The following CFAP92 variants were observed in gnomAD, a reference collection of about 807,000 sequenced individuals.
CFAP92 encodes the protein uncharacterized protein CFAP92.
CFAP92 carries 86 observed loss-of-function variants against 106.3 expected under a neutral mutation model. The ratio of observed to expected loss-of-function variants is 0.81; its 90% CI spans 0.68 to 0.97. The LOEUF (loss-of-function observed/expected upper bound fraction) is 0.97, where lower values mean the gene tolerates loss of function less well. Among genes scored for constraint, CFAP92 ranks in the 50% least tolerant of loss-of-function variants. The pLI, the probability that CFAP92 is intolerant of heterozygous loss-of-function variation, is 0.00. For missense variants in CFAP92, 1,204 were observed against 1,283.8 expected, an observed-to-expected ratio of 0.94 and a Z score of 0.95; for synonymous variants, 477 against 506.4, an observed-to-expected ratio of 0.94 and a Z score of 0.78.
At chr3:128,987,946 GC>G (rs1559935150) in intron 3 of CFAP92, 117 bp from the exon 4 acceptor site, 2 of 769,776 alleles carry the variant, frequency 2.6e-6, no homozygotes, top group Non-Finnish European at 4.1e-6. Context: ...TGACTTCAGT[GC>G]CTGGTCACTC....
the CFAP92 span, among the ~76,000 whole-genome samples, chr3:129,008,605 C>T: frequency 6.6e-6 from 1 of 151,904 alleles, no homozygotes; most frequent in Non-Finnish European, 1.5e-5. Flanking sequence ...AATCCCCGTG[C>T]CACAATCCTT....
chr3:129,012,976 A>G, the CFAP92 span, among the ~76,000 whole-genome samples: 1 of 152,160 alleles, frequency 6.6e-6, no homozygotes, highest in East Asian at 1.9e-4. Flanking sequence ...CAAAGAGAGA[A>G]TCTCTTCTCA....
At chr3:129,004,368 A>AC (rs1428229958), upstream of CFAP92, among the ~76,000 whole-genome samples, 112 of 44,596 alleles carry the variant, frequency 2.5e-3, no homozygotes, top group Middle Eastern at 0.012. Flanking sequence ...CCATTCACTC[A>AC]CCCCCCCCAC....
intron 7 of CFAP92, among the ~76,000 whole-genome samples, chr3:128,972,247 C>CTTT (rs58453936): frequency 2.1e-5 from 3 of 145,486 alleles, no homozygotes; most frequent in African/African-American, 5.0e-5. Flanking sequence ...GGATTTCTTT[C>CTTT]TTTTTTTTTT....
rs150556396 is a variant in CFAP92, at chr3:128,946,042, G to A, written c.1354-67C>T. ...GACAGTCACTCAGCCCCAGCATGAG[G>A]AGCTCAAATCCCAGTGCCAGGCTCA... On this transcript the variant is annotated intron_variant, in intron 9 of 15. Coordinates refer to ENST00000645291, the MANE Select transcript of CFAP92 (RefSeq NM_001394090.1). The A allele has an allele frequency of 6.6e-4, 794 of 1,210,958 alleles. 10 individuals carry two copies. In the African/African-American group the frequency reaches 0.011, roughly 17 times the overall value. 75.0% of individuals were successfully genotyped at this position (1,210,958 alleles called of 1,614,324 possible).
In CFAP92 at chr3:128,945,181, G is replaced by T; in HGVS notation, c.2148C>A (p.His716Gln). 6.5e-7 allele frequency: 1 copy of T among 1,536,190 alleles called. No individual in the cohort carries two copies. Among genetic ancestry groups the T allele is most frequent in the Non-Finnish European group, 8.7e-7 (1 of 1,146,930 alleles). The part of the protein sequence containing the change: ...KVRVRVQEQQ[H>Q]LDVLTGFHLL... ...GGTGGAAGCCAGTGAGCACATCCAGGTGCTGCTGCTCCTGGACCCGCACAC... is the reference window on the plus strand; with the variant it reads ...GGTGGAAGCCAGTGAGCACATCCAGTTGCTGCTGCTCCTGGACCCGCACAC... Residue 716 changes from histidine (H) to glutamine (Q), a missense_variant, in exon 10 of 16, where the codon CAC (histidine) becomes CAA (glutamine). Coordinates refer to ENST00000645291, the MANE Select transcript of CFAP92 (RefSeq NM_001394090.1).
chr3:129,002,034 G>C (rs1448679388), intron 1 of CFAP92: 4 of 1,543,882 alleles, frequency 2.6e-6, no homozygotes, highest in Non-Finnish European at 2.6e-6. Context: ...GCTGCGCGCC[G>C]AGCCGCCGGA....
chr3:128,942,664 A>C (rs1335635313), intron 10 of CFAP92, among the ~76,000 whole-genome samples: 1 of 147,090 alleles, frequency 6.8e-6, no homozygotes, highest in African/African-American at 2.5e-5. Context: ...TTTGCTACAC[A>C]CCACAAAACT....
chr3:129,001,653 G>A (rs2107843477), intron 1 of CFAP92: 1 of 1,394,714 alleles, frequency 7.2e-7, no homozygotes, highest in East Asian at 2.9e-5. Context: ...CACGGGCGCG[G>A]AGGCCGGCAT....
chr3:128,991,908 C>A lies in CFAP92; in HGVS notation c.262+1135G>T, dbSNP rs113131863. ...TGAAGTACTACTTGTCTCCTCCCCT[C>A]ATATTGGGCTGGAACCATGTGACTT... On this transcript the variant is annotated intron_variant, in intron 2 of 15. Transcript: ENST00000645291. 13 of 984,822 alleles carry A rather than the reference C, an allele frequency of 1.3e-5. No individual in the cohort carries two copies. In the African/African-American group the frequency reaches 1.7e-4, roughly 13 times the overall value. The allele number at this position is 984,822 out of a possible 1,614,324, so 61.0% of individuals were successfully genotyped here.
At chr3:128,921,203 C>A (rs889654071) in intron 12 of CFAP92, among the ~76,000 whole-genome samples, 3 of 152,136 alleles carry the variant, frequency 2.0e-5, no homozygotes, top group Non-Finnish European at 4.4e-5. Flanking sequence ...ACATTCCTGG[C>A]GCCCAATATG....
upstream of CFAP92, among the ~76,000 whole-genome samples, chr3:128,997,453 C>T (rs1944523557): frequency 6.6e-6 from 1 of 152,216 alleles, no homozygotes; most frequent in African/African-American, 2.4e-5. Context: ...ACTTCATGCA[C>T]ATTTATAATT....
chr3:128,997,316 G>T (rs1258973750), upstream of CFAP92, among the ~76,000 whole-genome samples: 2 of 152,072 alleles, frequency 1.3e-5, no homozygotes, highest in Non-Finnish European at 2.9e-5. Flanking sequence ...CAGCTTTATT[G>T]AAGTATTTTT....
intron 11 of CFAP92, among the ~76,000 whole-genome samples, chr3:128,934,080 A>C (rs1020877603): frequency 1.3e-5 from 2 of 152,148 alleles, no homozygotes; most frequent in East Asian, 1.9e-4. Context: ...CTGGGGAAAG[A>C]AGCAGCCCCC....
chr3:128,916,336 T>C (rs950517219), intron 12 of CFAP92, 65 bp from the exon 13 acceptor site: 9 of 1,051,024 alleles, frequency 8.6e-6, no homozygotes, highest in Non-Finnish European at 1.1e-5. Context: ...CCAGCTCATA[T>C]GCAGTGAGAT....
At chr3:128,921,281 C>T (rs574763718) in intron 12 of CFAP92, among the ~76,000 whole-genome samples, 4 of 152,182 alleles carry the variant, frequency 2.6e-5, no homozygotes, top group Admixed American at 6.5e-5. Context: ...AGAGGACACC[C>T]GAGGACGACT....
chr3:129,024,851 C>G, the CFAP92 span, among the ~76,000 whole-genome samples: 3 of 152,188 alleles, frequency 2.0e-5, no homozygotes, highest in Admixed American at 2.0e-4. Flanking sequence ...CACATTCAAA[C>G]CATAGCAGAG....
chr3:128,922,356 AT>A (rs1937365338), intron 12 of CFAP92, among the ~76,000 whole-genome samples: 1 of 150,736 alleles, frequency 6.6e-6, no homozygotes, highest in Non-Finnish European at 1.5e-5. Flanking sequence ...AAAAAAAAAA[AT>A]TCAATTAGTT....
At chr3:128,932,378 T>TATAC (rs1553743577) in intron 12 of CFAP92, among the ~76,000 whole-genome samples, 4 of 147,592 alleles carry the variant, frequency 2.7e-5, no homozygotes, top group African/African-American at 7.5e-5. Flanking sequence ...AGCAACATGT[T>TATAC]ACACACACAC....
Sources: allele counts gnomAD v4.1 joint callset (sites outside exome capture counted in the v4.1 genomes callset), GRCh38; gene constraint gnomAD v4.1.1; transcripts MANE v1.5; gene names NCBI Gene and HGNC (gene_info 2026-07-23, HGNC 2026-07-21).